TNNT1: variants seen among roughly 807,000 people sequenced by gnomAD.
The protein encoded by TNNT1 is troponin T, slow skeletal muscle.
A neutral mutation model predicts 50.6 loss-of-function variants in TNNT1; 53 were observed. That is an observed-to-expected ratio of 1.05 (90% CI 0.84 to 1.32). The LOEUF is 1.32. Ranked by LOEUF, TNNT1 falls within the 40% of genes most tolerant of loss-of-function variation. The pLI is 0.00. For synonymous variants in TNNT1, 142 were observed against 138.0 expected (o/e 1.03, Z -0.20); for missense variants, 348 against 381.7 (o/e 0.91, Z 0.74).
At chr19:55,143,741 C>T (rs2085499208) in intron 6 of TNNT1, among the ~76,000 whole-genome samples, 1 of 152,104 alleles carries the variant, frequency 6.6e-6, no homozygotes, top group Non-Finnish European at 1.5e-5. Flanking sequence ...TCCCTTTTCT[C>T]ATCATCAATG....
chr19:55,134,321 C>T (rs557525148), intron 11 of TNNT1, 117 bp from the exon 12 acceptor site: 26 of 1,074,436 alleles, frequency 2.4e-5, no homozygotes, highest in South Asian at 2.9e-5. Flanking sequence ...TATTTGAGGC[C>T]GAGAGTTTTA....
chr19:55,146,949 C>G, intron 3 of TNNT1, 59 bp downstream of exon 3: 1 of 1,536,696 alleles, frequency 6.5e-7, no homozygotes, highest in Non-Finnish European at 8.8e-7. Flanking sequence ...CCTCGCCTCC[C>G]CTCCCAAGAG....
intron 10 of TNNT1, among the ~76,000 whole-genome samples, 196 bp from the exon 11 acceptor site, chr19:55,137,408 C>G (rs560374134): frequency 6.6e-6 from 1 of 151,888 alleles, no homozygotes; most frequent in South Asian, 2.1e-4. Context: ...GTCCAGACCC[C>G]CAGTCCCTTC....
At chr19:55,139,980 C>T (rs781031144) in intron 9 of TNNT1, among the ~76,000 whole-genome samples, 6 of 151,394 alleles carry the variant, frequency 4.0e-5, no homozygotes, top group African/African-American at 1.2e-4. Flanking sequence ...AAAAATTAGC[C>T]GAGCCTGGTG....
intron 6 of TNNT1, among the ~76,000 whole-genome samples, chr19:55,143,881 CAT>C (rs1568845940): frequency 6.6e-6 from 1 of 152,168 alleles, no homozygotes; most frequent in Admixed American, 6.5e-5. Flanking sequence ...CCTTCCCACA[CAT>C]GACGTCCTGA....
In TNNT1 at chr19:55,137,229, C is replaced by T. The variant is rs370760520; in HGVS notation, c.502-17G>A. 2.3e-4 allele frequency: 361 copies of T among 1,587,158 alleles called. 5 individuals carry two copies. The Middle Eastern group carries it at 2.5e-3, about 11-fold the overall frequency. ...CTGTTCTGCCTGAGGGTGGGGGAGGCGGAACAGTAAACTGGGGGCCACATC... is the reference window on the plus strand; with the variant it reads ...CTGTTCTGCCTGAGGGTGGGGGAGGTGGAACAGTAAACTGGGGGCCACATC... On this transcript the variant is annotated splice_polypyrimidine_tract_variant and intron_variant, in intron 10 of 13. Coordinates refer to ENST00000588981, the MANE Select transcript of TNNT1 (RefSeq NM_003283.6).
At chr19:55,139,725 G>C (rs555517807) in intron 9 of TNNT1, among the ~76,000 whole-genome samples, 1 of 151,696 alleles carries the variant, frequency 6.6e-6, no homozygotes, top group South Asian at 2.1e-4. Flanking sequence ...CCAGCTACTC[G>C]GGAGGCTGAG....
Position 55,132,900 on chromosome 19 carries a change from T to G in TNNT1, c.*15A>C. 6.3e-7 allele frequency: 1 copy of G among 1,597,822 alleles called. No individual in the cohort carries two copies. Among genetic ancestry groups the G allele is most frequent in the South Asian group, 1.1e-5 (1 of 87,732 alleles). ...CTCCCAGGCTTCCCAGGTGCCACTG[T>G]CCGGGGCGGCATCCTCACTTCCAGC... On this transcript the variant is annotated 3_prime_UTR_variant, in exon 14 of 14. Transcript: ENST00000588981.
intron 2 of TNNT1, 27 bp from the exon 3 acceptor site, chr19:55,147,048 G>A: frequency 6.2e-7 from 1 of 1,612,766 alleles, no homozygotes; most frequent in African/African-American, 1.3e-5. Flanking sequence ...GGAGAGAGGA[G>A]GGAGGGGAGA....
chr19:55,144,886 G>A (rs1953710810), intron 6 of TNNT1, among the ~76,000 whole-genome samples: 3 of 152,180 alleles, frequency 2.0e-5, no homozygotes, highest in Non-Finnish European at 4.4e-5. Context: ...TGTTAGAAAA[G>A]TCTCTCTCGA....
intron 11 of TNNT1, chr19:55,135,495 C>G (rs2085330712): frequency 6.1e-6 from 2 of 327,008 alleles, no homozygotes; most frequent in Non-Finnish European, 6.0e-6. Context: ...GTCTCAACCT[C>G]TCAGGCTCTA....
chr19:55,148,355 G>A (rs2085619655), intron 1 of TNNT1, among the ~76,000 whole-genome samples: 1 of 151,898 alleles, frequency 6.6e-6, no homozygotes, highest in African/African-American at 2.4e-5. Context: ...TAGGGGGCAG[G>A]GGCATAAAGG....
chr19:55,137,529 GA>G (rs141077718), intron 10 of TNNT1, among the ~76,000 whole-genome samples: 6,501 of 47,392 alleles, frequency 0.14, 318 homozygotes, highest in African/African-American at 0.33. Context: ...TCCTCCCTCA[GA>G]CCCAGGATTG....
At chr19:55,146,753 G>A in intron 3 of TNNT1, 46 bp from the exon 4 acceptor site, 1 of 1,435,216 alleles carries the variant, frequency 7.0e-7, no homozygotes, top group Non-Finnish European at 9.3e-7. Context: ...GCTGGGGGAG[G>A]GATGGGGGCG....
chr19:55,147,086 C>A, intron 2 of TNNT1, 40 bp downstream of exon 2: 1 of 1,613,522 alleles, frequency 6.2e-7, no homozygotes, highest in Non-Finnish European at 8.5e-7. Flanking sequence ...AGAGCCTCTC[C>A]ACCACTGCAC....
rs540523935 is a variant in TNNT1 at position 55,147,026 on chromosome 19, G to A, written c.33-5C>T. 13 of 1,611,866 alleles carry A rather than the reference G, an allele frequency of 8.1e-6. No individual in the cohort carries two copies. In the Admixed American group the frequency reaches 1.5e-4, roughly 19 times the overall value. On this transcript the variant is annotated splice_region_variant and splice_polypyrimidine_tract_variant and intron_variant, in intron 2 of 13. Coordinates refer to ENST00000588981, the MANE Select transcript of TNNT1 (RefSeq NM_003283.6). ...TACTCACCTTCCGGCTGCTCCCTGC[G>A]GACGGGTGTGGGGAGAGAGGAGGGA...
intron 7 of TNNT1, 47 bp from the exon 8 acceptor site, chr19:55,141,349 A>T: frequency 1.4e-6 from 2 of 1,430,176 alleles, no homozygotes; most frequent in Non-Finnish European, 9.9e-7. Context: ...TGGAGGGGGC[A>T]GCAGCCTCCC....
At chr19:55,148,344 G>A (rs1363051925) in intron 1 of TNNT1, among the ~76,000 whole-genome samples, 1 of 151,658 alleles carries the variant, frequency 6.6e-6, no homozygotes, top group Admixed American at 6.6e-5. Context: ...CATACATCAC[G>A]TAGGGGGCAG....
intron 13 of TNNT1, 89 bp downstream of exon 13, chr19:55,133,798 G>A: frequency 6.8e-7 from 1 of 1,472,016 alleles, no homozygotes. Context: ...CAGGCAGTGG[G>A]GGATGGAGCC....
Sources: gnomAD v4.1 joint callset for allele counts (sites outside exome capture counted in the v4.1 genomes callset) on GRCh38, gnomAD v4.1.1 for gene constraint, MANE v1.5 for transcripts, NCBI Gene and HGNC (gene_info 2026-07-23, HGNC 2026-07-21) for gene names.